Variants in SND1 observed in about 807,000 individuals in gnomAD.
SND1 encodes the protein staphylococcal nuclease domain-containing protein 1.
SND1 carries 38 observed loss-of-function variants against 121.7 expected under a neutral mutation model. The observed-to-expected ratio is 0.31, with a 90% CI of 0.24 to 0.41. SND1 has a LOEUF of 0.41. Ranked by LOEUF, SND1 falls within the 10% of genes least tolerant of loss-of-function variation. The pLI is 1.00. For synonymous variants in SND1, 401 were observed against 447.4 expected, an observed-to-expected ratio of 0.90 and a Z score of 1.31; for missense variants, 868 against 1,184.6, an observed-to-expected ratio of 0.73 and a Z score of 3.92.
At chr7:127,922,198 T>TTTTTTTTTTTTTTTTTTTTTTTTTTTTTG (rs1800731864) in intron 14 of SND1, among the ~76,000 whole-genome samples, 1 of 126,872 alleles carries the variant, frequency 7.9e-6, no homozygotes, top group African/African-American at 3.0e-5. Flanking sequence ...TTTTTTTTTT[T>TTTTTTTTTTTTTTTTTTTTTTTTTTTTTG]TTTTTGTTTT....
chr7:127,839,988 C>A (rs1231852278), intron 11 of SND1, among the ~76,000 whole-genome samples: 1 of 152,196 alleles, frequency 6.6e-6, no homozygotes, highest in African/African-American at 2.4e-5. Flanking sequence ...CCCTGCCTTC[C>A]CACTTCAAGG....
intron 16 of SND1, among the ~76,000 whole-genome samples, chr7:128,007,399 G>A (rs768837268): frequency 3.3e-5 from 5 of 152,228 alleles, no homozygotes; most frequent in Non-Finnish European, 5.9e-5. Context: ...GCTTGCCATG[G>A]GTGGGAAGTG....
chr7:128,018,273 A>G (rs1471046640), intron 16 of SND1, among the ~76,000 whole-genome samples: 1 of 152,218 alleles, frequency 6.6e-6, no homozygotes, highest in East Asian at 1.9e-4. Context: ...TCCAGGTTGG[A>G]TTATTGTTGA....
chr7:127,854,538 C>T (rs1280391771), intron 12 of SND1, among the ~76,000 whole-genome samples: 1 of 145,368 alleles, frequency 6.9e-6, no homozygotes, highest in African/African-American at 2.5e-5. Context: ...TACTAGCATT[C>T]TATTTATTTA....
chr7:128,014,088 A>C (rs1168438469), intron 16 of SND1, among the ~76,000 whole-genome samples: 1 of 152,166 alleles, frequency 6.6e-6, no homozygotes, highest in East Asian at 1.9e-4. Context: ...TTTCCAGGGC[A>C]GTCAGTCAAT....
chr7:127,672,592 G>A (rs557085800), intron 1 of SND1, among the ~76,000 whole-genome samples: 152 of 151,030 alleles, frequency 1.0e-3, no homozygotes, highest in African/African-American at 3.6e-3. Context: ...CAGCCTGGGC[G>A]ACAGAGCAAA....
intron 2 of SND1, among the ~76,000 whole-genome samples, chr7:127,690,207 C>A (rs1328451803): frequency 6.6e-6 from 1 of 152,048 alleles, no homozygotes; most frequent in African/African-American, 2.4e-5. Context: ...TTTAGTGATT[C>A]CTCATATTCC....
At chr7:128,076,543 G>C (rs1793509385) in intron 17 of SND1, among the ~76,000 whole-genome samples, 1 of 152,166 alleles carries the variant, frequency 6.6e-6, no homozygotes, top group Non-Finnish European at 1.5e-5. Context: ...CTTTGTAGCA[G>C]CTCTAAGAGT....
At chr7:128,074,759 C>A in intron 17 of SND1, 69 bp downstream of exon 17, 1 of 1,428,366 alleles carries the variant, frequency 7.0e-7, no homozygotes, top group Middle Eastern at 1.8e-4. Context: ...GCTGCTGCCT[C>A]CAGAGAACAG....
intron 10 of SND1, among the ~76,000 whole-genome samples, chr7:127,748,979 T>TCATG (rs1797030305): frequency 6.6e-6 from 1 of 151,736 alleles, no homozygotes; most frequent in East Asian, 1.9e-4. Flanking sequence ...CCCCATGAAG[T>TCATG]CAGAATTATC....
At chr7:127,857,593 C>T (rs1799304267) in intron 12 of SND1, among the ~76,000 whole-genome samples, 1 of 151,496 alleles carries the variant, frequency 6.6e-6, no homozygotes, top group Non-Finnish European at 1.5e-5. Flanking sequence ...GGCCACGGGA[C>T]CCCTGACAGG....
At chr7:128,062,580 G>C (rs1219636262) in intron 16 of SND1, among the ~76,000 whole-genome samples, 1 of 152,190 alleles carries the variant, frequency 6.6e-6, no homozygotes, top group Admixed American at 6.5e-5. Context: ...CCCTAGCTGA[G>C]AGTATAGAAT....
chr7:127,956,434 C>G lies in SND1; in HGVS notation c.1669+27105C>G, dbSNP rs150569790. On this transcript the variant is annotated intron_variant, in intron 15 of 23. Transcript: ENST00000354725. ...CACTTGGAAAATCAGATTAAATACT[C>G]CTTTAATATTTAATTAACTCTCTTT... Among the ~76,000 whole-genome samples the G allele has an allele frequency of 5.3e-5, 8 of 152,242 alleles. No individual in the cohort carries two copies. In the East Asian group the frequency reaches 1.5e-3, roughly 29 times the overall value.
chr7:128,046,611 G>A (rs754497272), intron 16 of SND1, among the ~76,000 whole-genome samples: 1 of 151,786 alleles, frequency 6.6e-6, no homozygotes, highest in Admixed American at 6.6e-5. Context: ...TGATCTGCCC[G>A]CCTTGACCTC....
At chr7:127,893,272 A>G (rs1304707208) in intron 13 of SND1, among the ~76,000 whole-genome samples, 3 of 152,108 alleles carry the variant, frequency 2.0e-5, no homozygotes, top group Non-Finnish European at 4.4e-5. Context: ...GCTTTTGTTG[A>G]GCATGTTATG....
chr7:127,978,359 G>A (rs80076293), intron 15 of SND1, among the ~76,000 whole-genome samples: 2,853 of 152,268 alleles, frequency 0.019, 36 homozygotes, highest in Non-Finnish European at 0.031. Context: ...AGGAGCAAAG[G>A]ACTTCTTCAC....
At chr7:127,788,598 T>A (rs1797855627) in intron 10 of SND1, among the ~76,000 whole-genome samples, 1 of 152,218 alleles carries the variant, frequency 6.6e-6, no homozygotes, top group South Asian at 2.1e-4. Context: ...TGATCAACTA[T>A]GCGACCCACT....
intron 16 of SND1, 116 bp from the exon 17 acceptor site, chr7:128,074,386 A>G (rs1010421945): frequency 5.8e-5 from 60 of 1,029,336 alleles, no homozygotes; most frequent in Non-Finnish European, 7.6e-5. Context: ...AGAGGTTGGC[A>G]GCGGCTGCCA....
chr7:127,763,249 G>A (rs1005853133), intron 10 of SND1, among the ~76,000 whole-genome samples: 5 of 152,152 alleles, frequency 3.3e-5, no homozygotes, highest in South Asian at 2.1e-4. Flanking sequence ...CTAGCTACTC[G>A]AGTTCTTTGC....
Sources: allele counts gnomAD v4.1 joint callset (sites outside exome capture counted in the v4.1 genomes callset), GRCh38; gene constraint gnomAD v4.1.1; transcripts MANE v1.5; gene names NCBI Gene and HGNC (gene_info 2026-07-23, HGNC 2026-07-21).